ILRUN: variants seen among roughly 807,000 people sequenced by gnomAD.
The protein encoded by ILRUN is protein ILRUN.
Under a neutral mutation model 33.8 loss-of-function variants are expected in ILRUN, and 3 were observed. The observed-to-expected ratio is 0.09, with a 90% confidence interval of 0.04 to 0.23. ILRUN has a LOEUF of 0.23. Among genes scored for constraint, ILRUN ranks in the 10% least tolerant of loss-of-function variants. The pLI is 1.00. For synonymous variants in ILRUN, 124 were observed against 138.9 expected (o/e 0.89, Z 0.75); for missense variants, 210 against 375.1 (o/e 0.56, Z 3.64).
At chr6:34,643,415 C>A (rs892217161) in intron 3 of ILRUN, among the ~76,000 whole-genome samples, 1 of 152,100 alleles carries the variant, frequency 6.6e-6, no homozygotes, top group Non-Finnish European at 1.5e-5. Flanking sequence ...TTCCTCTCAT[C>A]AAGCAAAGGC....
Position 34,606,588 on chromosome 6 carries a change from G to A in ILRUN, c.828C>T (p.His276=), listed in dbSNP as rs146730430. Residue 276 remains histidine (H), a synonymous_variant, in exon 4 of 5, where the codon CAC becomes CAT. Coordinates refer to ENST00000374023, the MANE Select transcript of ILRUN (RefSeq NM_024294.4). ...AAGTCACTACTGATAAGTTGTTTGC[G>A]TGACTGCTGGGAGACAGATTTACAG... is the stretch of plus-strand genomic sequence containing the variant. The part of the protein sequence containing the change: ...QNSVNLSPSS[H]ANNLSVVTYS... 1.3e-4 allele frequency: 210 copies of A among 1,614,060 alleles called. No homozygotes were observed. The highest frequency in any genetic ancestry group is 1.0e-3 in the Admixed American group (60 of 59,998).
intron 3 of ILRUN, among the ~76,000 whole-genome samples, chr6:34,612,808 C>A (rs1761785058): frequency 6.6e-6 from 1 of 152,108 alleles, no homozygotes; most frequent in South Asian, 2.1e-4. Flanking sequence ...TTTGGGAGGC[C>A]AAGGCGGGCG....
chr6:34,653,318 C>T (rs1032778918), intron 2 of ILRUN, among the ~76,000 whole-genome samples: 1 of 151,938 alleles, frequency 6.6e-6, no homozygotes, highest in Non-Finnish European at 1.5e-5. Context: ...GCAACCTCCA[C>T]CTCCTGGGTT....
chr6:34,590,530 G>A lies in ILRUN; in HGVS notation c.*35C>T, dbSNP rs1214873574. The A allele has an allele frequency of 6.2e-7, 1 of 1,613,792 alleles. No homozygotes were observed. The highest frequency in any genetic ancestry group is 1.1e-5 in the South Asian group (1 of 91,062). ...CTAACCCCCCAAAGTCAGGCCTTCTGTCTTTTGTTAATTTTTCTTCTTGCT... is the reference window on the plus strand; with the variant it reads ...CTAACCCCCCAAAGTCAGGCCTTCTATCTTTTGTTAATTTTTCTTCTTGCT... On this transcript the variant is annotated 3_prime_UTR_variant, in exon 5 of 5. Transcript: ENST00000374023.
At chr6:34,677,424 G>A (rs539323147) in intron 1 of ILRUN, among the ~76,000 whole-genome samples, 53 of 152,042 alleles carry the variant, frequency 3.5e-4, no homozygotes, top group Non-Finnish European at 5.1e-4. Flanking sequence ...ATAATGGGAC[G>A]TTAGGAGTCA....
chr6:34,650,405 ATT>A (rs1034056954), intron 2 of ILRUN, among the ~76,000 whole-genome samples: 224 of 135,172 alleles, frequency 1.7e-3, no homozygotes, highest in African/African-American at 3.6e-3. Flanking sequence ...TTATTTATTT[ATT>A]TTTATTTATT....
In ILRUN at chr6:34,640,580, C is replaced by T. The variant is rs545257026; in HGVS notation, c.511+6021G>A. 8.4e-4 allele frequency among the ~76,000 whole-genome samples: 127 copies of T among 151,972 alleles called. 1 individual carries two copies. The highest frequency in any genetic ancestry group is 6.8e-3 in the Middle Eastern group (2 of 294). ...CAAAAATTAGCCGGGTGTGGTGGCG[C>T]GCACCTGTAGTCCCAGCTATTTGGG... On this transcript the variant is annotated intron_variant, in intron 3 of 4. Transcript: ENST00000374023.
chr6:34,588,681 T>G lies in ILRUN; in HGVS notation c.*1884A>C. 6.5e-6 allele frequency: 1 copy of G among 154,392 alleles called. No homozygotes were observed. The highest frequency in any genetic ancestry group is 1.4e-5 in the Non-Finnish European group (1 of 69,302). The allele number at this position is 154,392 out of a possible 1,614,324, so 9.6% of individuals were successfully genotyped here. ...AAAATAGGTGCTCCAGAGTAAGCTC[T>G]AGTGAAGTCCCAGACCCAGCTGCAC... On this transcript the variant is annotated 3_prime_UTR_variant, in exon 5 of 5. Coordinates refer to ENST00000374023, the MANE Select transcript of ILRUN (RefSeq NM_024294.4).
intron 3 of ILRUN, among the ~76,000 whole-genome samples, chr6:34,619,331 T>C (rs1425650758): frequency 6.6e-6 from 1 of 152,034 alleles, no homozygotes; most frequent in Non-Finnish European, 1.5e-5. Flanking sequence ...TTCTTCTGTA[T>C]CACAGAAGAA....
At chr6:34,637,521 AATT>A (rs1762387709) in intron 3 of ILRUN, among the ~76,000 whole-genome samples, 2 of 152,182 alleles carry the variant, frequency 1.3e-5, no homozygotes, top group Admixed American at 6.5e-5. Flanking sequence ...GCAGCTTTCA[AATT>A]ATATTTTTGC....
chr6:34,678,962 A>G (rs1422046149), intron 1 of ILRUN, among the ~76,000 whole-genome samples: 1 of 151,968 alleles, frequency 6.6e-6, no homozygotes, highest in Admixed American at 6.6e-5. Flanking sequence ...ACAGACCTTT[A>G]GCACATGAAA....
intron 3 of ILRUN, among the ~76,000 whole-genome samples, chr6:34,641,116 A>C (rs2127356110): frequency 6.7e-6 from 1 of 149,764 alleles, no homozygotes. Context: ...AGAAACAACC[A>C]CCCCACCAAA....
At chr6:34,674,015 G>A (rs1562027845) in intron 1 of ILRUN, among the ~76,000 whole-genome samples, 1 of 151,934 alleles carries the variant, frequency 6.6e-6, no homozygotes, top group Non-Finnish European at 1.5e-5. Context: ...CAATTACTAT[G>A]GGTCAGGCAG....
chr6:34,616,925 C>T, intron 3 of ILRUN: 2 of 593,518 alleles, frequency 3.4e-6, no homozygotes, highest in Non-Finnish European at 6.4e-6. Flanking sequence ...GATTGTAGAA[C>T]CATATATTGC....
At chr6:34,655,314 C>CT (rs754543235) in intron 1 of ILRUN, among the ~76,000 whole-genome samples, 18 of 152,098 alleles carry the variant, frequency 1.2e-4, no homozygotes, top group African/African-American at 3.1e-4. Flanking sequence ...AATATGTGCA[C>CT]ATAATACAGA....
In ILRUN at chr6:34,651,417, T is replaced by C. The variant is rs148688771; in HGVS notation, c.313+3208A>G. Among the ~76,000 whole-genome samples, 314 of 152,066 alleles carry C rather than the reference T, an allele frequency of 2.1e-3. 2 individuals carry two copies. The highest frequency in any genetic ancestry group is 7.2e-3 in the African/African-American group (297 of 41,500). On this transcript the variant is annotated intron_variant, in intron 2 of 4. Coordinates refer to ENST00000374023, the MANE Select transcript of ILRUN (RefSeq NM_024294.4). Reference sequence around the variant, plus strand: ...GTAAGTCAACATGAAAGGTAGGCTTTGGGGGTTCTGATTTGACAGTCTAAC... The same window carrying C: ...GTAAGTCAACATGAAAGGTAGGCTTCGGGGGTTCTGATTTGACAGTCTAAC...
In ILRUN at chr6:34,653,383, A is replaced by T. The variant is rs367830856; in HGVS notation, c.313+1242T>A. Among the ~76,000 whole-genome samples, 5 of 151,856 alleles carry T rather than the reference A, an allele frequency of 3.3e-5. No individual in the cohort carries two copies. In the East Asian group the frequency reaches 5.9e-4, roughly 18 times the overall value. ...GTAGCTGGGATTAAAGGTGCCCAAC[A>T]CCATACCCGGTTAATTTCTGTATTT... On this transcript the variant is annotated intron_variant, in intron 2 of 4. Transcript: ENST00000374023.
chr6:34,602,987 C>T (rs57048285), intron 4 of ILRUN, among the ~76,000 whole-genome samples: 3,282 of 152,250 alleles, frequency 0.022, 124 homozygotes, highest in African/African-American at 0.072. Flanking sequence ...AGTGCAGGTG[C>T]CTGAAGCAAT....
At chr6:34,690,377 C>A (rs1763620256) in intron 1 of ILRUN, among the ~76,000 whole-genome samples, 1 of 152,084 alleles carries the variant, frequency 6.6e-6, no homozygotes, top group African/African-American at 2.4e-5. Flanking sequence ...ACAAGAATCG[C>A]ATGAACCCAG....
Sources: allele counts gnomAD v4.1 joint callset (sites outside exome capture counted in the v4.1 genomes callset), GRCh38; gene constraint gnomAD v4.1.1; transcripts MANE v1.5; gene names NCBI Gene and HGNC (gene_info 2026-07-23, HGNC 2026-07-21).